Variants in TSC2 observed in about 807,000 individuals in gnomAD.
TSC2 encodes the protein tuberin.
A neutral mutation model predicts 202.2 loss-of-function variants in TSC2; 29 were observed. The observed-to-expected ratio is 0.14, with a 90% CI of 0.11 to 0.20. The LOEUF (loss-of-function observed/expected upper bound fraction) is 0.20, where lower values mean the gene tolerates loss of function less well. Ranked by LOEUF, TSC2 falls within the 10% of genes least tolerant of loss-of-function variation. The pLI, the probability that TSC2 is intolerant of heterozygous loss-of-function variation, is 1.00. For synonymous variants in TSC2, 1,349 were observed against 1,044.0 expected, an observed-to-expected ratio of 1.29 and a Z score of -5.63; for missense variants, 2,429 against 2,420.0, an observed-to-expected ratio of 1.00 and a Z score of -0.08.
In TSC2 at chr16:2,062,479, C is replaced by T. The variant is rs778741704; in HGVS notation, c.1258-18C>T. On this transcript the variant is annotated intron_variant, in intron 12 of 41. Transcript: ENST00000219476. ...CGCCGGAGGGGCAGAGGGGCAACAC[C>T]GGCTCTTCTTTTGACAGGAGTCCTC... The T allele has an allele frequency of 1.7e-5, 27 of 1,598,092 alleles. No homozygotes were observed. Among genetic ancestry groups the T allele is most frequent in the Middle Eastern group, 1.7e-4 (1 of 6,024 alleles).
At chr16:2,083,850 C>T (rs2090440152) in intron 33 of TSC2, 34 bp downstream of exon 33, 3 of 1,596,218 alleles carry the variant, frequency 1.9e-6, no homozygotes, top group South Asian at 2.3e-5. Flanking sequence ...CCCTGCTGAC[C>T]TCGGGGGGCT....
Position 2,086,178 on chromosome 16 carries a change from C to A in TSC2, c.4663-15C>A, listed in dbSNP as rs2090761880. On this transcript the variant is annotated splice_polypyrimidine_tract_variant and intron_variant, in intron 36 of 41. Transcript: ENST00000219476. ...CCGGGAGTGATGCCACCCTGCCTCT[C>A]CCCTCTCCCCACAGAGCAACAGCGA... The A allele has an allele frequency of 6.2e-7, 1 of 1,611,636 alleles. No individual in the cohort carries two copies. Among genetic ancestry groups the A allele is most frequent in the Non-Finnish European group, 8.5e-7 (1 of 1,179,188 alleles).
intron 11 of TSC2, 93 bp from the exon 12 acceptor site, chr16:2,061,778 T>A: frequency 4.4e-6 from 7 of 1,601,310 alleles, no homozygotes; most frequent in Non-Finnish European, 6.0e-6. Context: ...GGGCTGAGGG[T>A]GTCTCCATGC....
intron 19 of TSC2, 93 bp from the exon 20 acceptor site, chr16:2,072,148 C>T: frequency 6.2e-7 from 1 of 1,600,680 alleles, no homozygotes; most frequent in East Asian, 2.2e-5. Flanking sequence ...GCCCTTGACG[C>T]TGTGCAGCCA....
intron 33 of TSC2, 129 bp from the exon 34 acceptor site, chr16:2,084,099 G>T (rs1198893041): frequency 1.3e-6 from 2 of 1,505,014 alleles, no homozygotes; most frequent in Admixed American, 3.9e-5. Flanking sequence ...GGGGGCCGTA[G>T]CCTGGTGCTC....
chr16:2,080,008 C>A (rs547020526), intron 29 of TSC2, among the ~76,000 whole-genome samples, 157 bp from the exon 30 acceptor site: 38 of 152,320 alleles, frequency 2.5e-4, no homozygotes, highest in African/African-American at 8.2e-4. Context: ...TTCACTGAGG[C>A]CAGCACTGTG....
chr16:2,082,248 A>T (rs1473973835), intron 31 of TSC2, 188 bp from the exon 32 acceptor site: 1 of 662,554 alleles, frequency 1.5e-6, no homozygotes, highest in African/African-American at 1.8e-5. Flanking sequence ...TATTCACGGG[A>T]GGAGGGAGGC....
chr16:2,076,568 C>G lies in TSC2; in HGVS notation c.2820C>G (p.Leu940=), dbSNP rs876659493. 5 of 1,613,316 alleles carry G rather than the reference C, an allele frequency of 3.1e-6. No homozygotes were observed. Among genetic ancestry groups the G allele is most frequent in the Non-Finnish European group, 4.2e-6 (5 of 1,179,960 alleles). ...GCTTCAGGGCCCGGAGTACTAGTCT[C>G]AACGAGAGACCCAAGAGGTACGGCC... ...KDSFRARSTS[L]NERPKSLRIA... Residue 940 remains leucine, a synonymous_variant, in exon 25 of 42, where the codon CTC becomes CTG. Transcript: ENST00000219476.
chr16:2,060,948 C>G, intron 11 of TSC2, 135 bp downstream of exon 11: 1 of 1,137,952 alleles, frequency 8.8e-7, no homozygotes, highest in South Asian at 1.4e-5. Context: ...TCTGGTGATT[C>G]GCAGTGGCGC....
chr16:2,051,054 G>C (rs1021218793), intron 3 of TSC2, among the ~76,000 whole-genome samples: 1 of 151,974 alleles, frequency 6.6e-6, no homozygotes, highest in Non-Finnish European at 1.5e-5. Flanking sequence ...GCGGGGGTGC[G>C]GGGGCTTATG....
chr16:2,057,322 C>A, intron 9 of TSC2, 144 bp downstream of exon 9: 2 of 921,428 alleles, frequency 2.2e-6, no homozygotes, highest in Non-Finnish European at 3.4e-6. Flanking sequence ...TAGAGCGAGG[C>A]CCATGACTTC....
rs149393436 is a variant in TSC2 at position 2,086,961 on chromosome 16, C to T, written c.4989+90C>T. On this transcript the variant is annotated intron_variant, in intron 38 of 41. Transcript: ENST00000219476. Reference sequence around the variant, plus strand: ...GTGGCAGGTCCTCCTCCCTGAGCTTCGGTCACGAGGAGCAGGAGGAGAGGC... The same window carrying T: ...GTGGCAGGTCCTCCTCCCTGAGCTTTGGTCACGAGGAGCAGGAGGAGAGGC... 2.1e-4 allele frequency: 317 copies of T among 1,532,176 alleles called. 1 individual carries two copies. Among genetic ancestry groups the T allele is most frequent in the South Asian group, 1.6e-3 (132 of 83,386 alleles). The allele number at this position is 1,532,176 out of a possible 1,614,324, so 94.9% of individuals were successfully genotyped here.
intron 5 of TSC2, chr16:2,055,105 C>T: frequency 2.1e-6 from 1 of 481,690 alleles, no homozygotes; most frequent in Non-Finnish European, 3.8e-6. Flanking sequence ...GTCGGCGTCT[C>T]CCAGCCTCGG....
intron 2 of TSC2, 34 bp from the exon 3 acceptor site, chr16:2,050,366 A>G (rs1360578699): frequency 8.1e-6 from 13 of 1,602,704 alleles, no homozygotes; most frequent in African/African-American, 2.7e-5. Context: ...TGGCCTGAGC[A>G]CTGGCCCCTT....
At chr16:2,081,419 C>A (rs933182350) in intron 30 of TSC2, 176 bp from the exon 31 acceptor site, 1 of 801,288 alleles carries the variant, frequency 1.2e-6, no homozygotes. Context: ...AGGGGCTGAG[C>A]GGGGCAGCAG....
chr16:2,086,634 C>T (rs980679656), intron 37 of TSC2, 98 bp from the exon 38 acceptor site: 9 of 1,568,292 alleles, frequency 5.7e-6, no homozygotes, highest in Middle Eastern at 2.3e-4. Flanking sequence ...CCCCGCAGGC[C>T]CCCAGAGCCC....
chr16:2,064,739 A>G (rs895110465), intron 15 of TSC2: 8 of 479,914 alleles, frequency 1.7e-5, no homozygotes, highest in Non-Finnish European at 3.1e-5. Flanking sequence ...TGCCCAGCCA[A>G]CAGCTTTGCT....
chr16:2,061,351 C>T (rs992238647), intron 11 of TSC2: 11 of 283,584 alleles, frequency 3.9e-5, no homozygotes, highest in African/African-American at 2.0e-4. Context: ...GCCGGGACTT[C>T]GCCGGGACTT....
chr16:2,061,351 C>G, intron 11 of TSC2: 1 of 283,702 alleles, frequency 3.5e-6, no homozygotes, highest in Non-Finnish European at 6.9e-6. Context: ...GCCGGGACTT[C>G]GCCGGGACTT....
Sources: allele counts gnomAD v4.1 joint callset (sites outside exome capture counted in the v4.1 genomes callset), GRCh38; gene constraint gnomAD v4.1.1; transcripts MANE v1.5; gene names NCBI Gene and HGNC (gene_info 2026-07-23, HGNC 2026-07-21).